Variants in IGSF5 observed in about 807,000 individuals in gnomAD.
The protein encoded by IGSF5 is immunoglobulin superfamily 5 like.
Under a neutral mutation model 39.4 loss-of-function variants are expected in IGSF5, and 41 were observed. That is an observed-to-expected ratio of 1.04 (90% CI 0.81 to 1.35). The LOEUF is 1.35. Among genes scored for constraint, IGSF5 ranks in the 40% most tolerant of loss-of-function variants. IGSF5 has a pLI of 0.00. For synonymous variants in IGSF5, 183 were observed against 175.3 expected, an observed-to-expected ratio of 1.04 and a Z score of -0.34; for missense variants, 487 against 494.6, an observed-to-expected ratio of 0.98 and a Z score of 0.15.
At chr21:39,789,673 T>C (rs1263329643) in intron 6 of IGSF5, among the ~76,000 whole-genome samples, 1 of 152,174 alleles carries the variant, frequency 6.6e-6, no homozygotes, top group Non-Finnish European at 1.5e-5. Flanking sequence ...AAAATAAATA[T>C]AAAGATAGGC....
rs2087028947 is a variant in IGSF5 at position 39,801,443 on chromosome 21, C to T, written c.*86C>T. On this transcript the variant is annotated 3_prime_UTR_variant, in exon 9 of 9. Transcript: ENST00000380588. The stretch of plus-strand genomic sequence containing the variant: ...TCCTTCCTTTCCATCCTAAGACTGG[C>T]CTGCAGCTTTGCCAACATTACCTGA... The T allele has an allele frequency of 1.0e-6, 1 of 960,368 alleles. No individual in the cohort carries two copies. Among genetic ancestry groups the T allele is most frequent in the Non-Finnish European group, 1.6e-6 (1 of 615,612 alleles). 59.5% of individuals were successfully genotyped at this position (960,368 alleles called of 1,614,324 possible).
At chr21:39,760,222 T>A (rs546202558) in intron 2 of IGSF5, among the ~76,000 whole-genome samples, 69 of 152,268 alleles carry the variant, frequency 4.5e-4, no homozygotes, top group Non-Finnish European at 8.5e-4. Flanking sequence ...GTTTATTCAC[T>A]CAGTACATAT....
chr21:39,749,197 T>C (rs2146270182), intron 2 of IGSF5, among the ~76,000 whole-genome samples: 1 of 147,080 alleles, frequency 6.8e-6, no homozygotes, highest in South Asian at 2.2e-4. Flanking sequence ...TAGGTTTCTT[T>C]TGGAAAGACA....
the IGSF5 span, among the ~76,000 whole-genome samples, chr21:39,734,173 C>G: frequency 6.6e-5 from 10 of 151,996 alleles, no homozygotes; most frequent in Non-Finnish European, 8.8e-5. Context: ...GCCTGTAATC[C>G]CAGCACTGTG....
chr21:39,745,011 T>C (rs970608381), upstream of IGSF5, among the ~76,000 whole-genome samples: 10 of 152,216 alleles, frequency 6.6e-5, no homozygotes, highest in African/African-American at 2.4e-4. Flanking sequence ...CAATTATCAA[T>C]TATGGGTTTC....
In IGSF5 at chr21:39,765,824, G is replaced by A. The variant is rs555437974; in HGVS notation, c.390G>A (p.Leu130=). 3 of 1,613,536 alleles carry A rather than the reference G, an allele frequency of 1.9e-6. No homozygotes were observed. In the African/African-American group the frequency reaches 4.0e-5, roughly 21 times the overall value. The change falls in exon 3 of 9, where the codon CTG becomes CTA. Residue 130 remains leucine, a synonymous_variant. Coordinates refer to ENST00000380588, the MANE Select transcript of IGSF5 (RefSeq NM_001080444.2). ...NIRCSLQNSR[L]HGSAYLTVQV... is the part of the protein sequence containing the mutation. ...GATGCAGCCTCCAGAACAGTCGCCTGCATGGATCTGCTTACCTTACCGTCC... is the reference window on the plus strand; with the variant it reads ...GATGCAGCCTCCAGAACAGTCGCCTACATGGATCTGCTTACCTTACCGTCC...
the IGSF5 span, among the ~76,000 whole-genome samples, chr21:39,731,398 C>G: frequency 6.6e-6 from 1 of 152,200 alleles, no homozygotes; most frequent in Non-Finnish European, 1.5e-5. Context: ...CCTGAGGATG[C>G]ATGTCCTTCC....
the IGSF5 span, among the ~76,000 whole-genome samples, chr21:39,718,058 A>G: frequency 1.3e-5 from 2 of 150,970 alleles, no homozygotes; most frequent in African/African-American, 4.9e-5. Flanking sequence ...GAGATCTTTC[A>G]CATCCCTGGT....
At chr21:39,726,510 C>G in the IGSF5 span, among the ~76,000 whole-genome samples, 1 of 151,914 alleles carries the variant, frequency 6.6e-6, no homozygotes, top group Non-Finnish European at 1.5e-5. Context: ...CACCAGTGCT[C>G]AGGCAGTGGC....
At chr21:39,746,020 A>G (rs1352268116) in intron 1 of IGSF5, among the ~76,000 whole-genome samples, 196 bp from the exon 2 acceptor site, 10 of 152,140 alleles carry the variant, frequency 6.6e-5, no homozygotes, top group Non-Finnish European at 1.5e-4. Flanking sequence ...GGCCTCACGA[A>G]TTCCAAGGAA....
intron 5 of IGSF5, among the ~76,000 whole-genome samples, chr21:39,786,856 G>C (rs567130151): frequency 6.6e-6 from 1 of 151,456 alleles, no homozygotes; most frequent in Non-Finnish European, 1.5e-5. Context: ...ACTATCGCAA[G>C]AACAAAAAAC....
At chr21:39,783,536 T>C (rs1172150188) in intron 5 of IGSF5, among the ~76,000 whole-genome samples, 3 of 152,222 alleles carry the variant, frequency 2.0e-5, no homozygotes, top group Non-Finnish European at 4.4e-5. Flanking sequence ...TTGAGAAATG[T>C]CTGTTCAGAC....
intron 2 of IGSF5, among the ~76,000 whole-genome samples, chr21:39,750,141 C>T (rs1798706294): frequency 6.6e-6 from 1 of 152,126 alleles, no homozygotes; most frequent in South Asian, 2.1e-4. Context: ...TGACTTTCTC[C>T]CTTTGGCTTA....
At chr21:39,725,750 A>G in the IGSF5 span, 1 of 152,176 alleles carries the variant, frequency 6.6e-6, no homozygotes, top group Non-Finnish European at 1.5e-5. Context: ...AAAAACTAGC[A>G]CATCATGCTC....
intron 8 of IGSF5, among the ~76,000 whole-genome samples, chr21:39,799,459 G>T (rs748735329): frequency 2.0e-5 from 3 of 152,100 alleles, no homozygotes; most frequent in Non-Finnish European, 2.9e-5. Context: ...TAGGGCCAAA[G>T]AATCAGTATT....
chr21:39,795,090 A>G (rs1480391443), intron 8 of IGSF5, among the ~76,000 whole-genome samples: 2 of 152,216 alleles, frequency 1.3e-5, no homozygotes, highest in Non-Finnish European at 2.9e-5. Flanking sequence ...ACTGTGCCTG[A>G]GTAACAAATC....
At chr21:39,778,224 G>T (rs1360130070) in intron 4 of IGSF5, among the ~76,000 whole-genome samples, 1 of 152,178 alleles carries the variant, frequency 6.6e-6, no homozygotes, top group Non-Finnish European at 1.5e-5. Context: ...TTCTACATCT[G>T]TGGTGACTGA....
intron 5 of IGSF5, among the ~76,000 whole-genome samples, chr21:39,779,542 C>CA (rs2080159206): frequency 2.0e-5 from 3 of 152,202 alleles, no homozygotes; most frequent in Non-Finnish European, 2.9e-5. Context: ...CCAGCAATCC[C>CA]ATTCCTGGGT....
At chr21:39,785,962 T>C (rs2086916725) in intron 5 of IGSF5, among the ~76,000 whole-genome samples, 1 of 152,122 alleles carries the variant, frequency 6.6e-6, no homozygotes, top group African/African-American at 2.4e-5. Flanking sequence ...CAATTCAAGA[T>C]GGATTAAAGA....
Sources: gnomAD v4.1 joint callset for allele counts (sites outside exome capture counted in the v4.1 genomes callset) on GRCh38, gnomAD v4.1.1 for gene constraint, MANE v1.5 for transcripts, NCBI Gene and HGNC (gene_info 2026-07-23, HGNC 2026-07-21) for gene names.